KAZN: variants seen among roughly 807,000 people sequenced by gnomAD.
KAZN encodes the protein kazrin.
A neutral mutation model predicts 87.4 loss-of-function variants in KAZN; 40 were observed. The ratio of observed to expected loss-of-function variants is 0.46; its 90% confidence interval spans 0.36 to 0.60. The LOEUF is 0.60. KAZN is among the 20% of genes least tolerant of loss of function. The pLI is 0.00. For missense variants in KAZN, 898 were observed against 1,073.9 expected, an observed-to-expected ratio of 0.84 and a Z score of 2.29; for synonymous variants, 466 against 458.3, an observed-to-expected ratio of 1.02 and a Z score of -0.22.
intron 1 of KAZN, among the ~76,000 whole-genome samples, chr1:14,736,254 G>GGTGGGT (rs1418987856): frequency 4.3e-5 from 5 of 115,300 alleles, no homozygotes; most frequent in Admixed American, 9.2e-5. Flanking sequence ...GGGACTCAAG[G>GGTGGGT]GTGTGTGTGT....
chr1:15,038,477 C>T (rs543648837), intron 3 of KAZN, among the ~76,000 whole-genome samples: 96 of 152,278 alleles, frequency 6.3e-4, no homozygotes, highest in Admixed American at 1.4e-3. Flanking sequence ...TTACTAATAC[C>T]AGACGTTTGT....
intron 1 of KAZN, among the ~76,000 whole-genome samples, chr1:14,106,309 T>A (rs1644373425): frequency 6.6e-6 from 1 of 152,214 alleles, no homozygotes; most frequent in African/African-American, 2.4e-5. Context: ...CAGGTGGTCA[T>A]AGAAAATGAA....
intron 1 of KAZN, among the ~76,000 whole-genome samples, chr1:14,745,303 A>G (rs1211932260): frequency 6.6e-6 from 1 of 152,120 alleles, no homozygotes; most frequent in African/African-American, 2.4e-5. Flanking sequence ...TTTCTTTAAC[A>G]AAAGGGCTTC....
chr1:14,392,439 G>A (rs1260117649), intron 2 of KAZN, among the ~76,000 whole-genome samples: 4 of 152,094 alleles, frequency 2.6e-5, no homozygotes, highest in African/African-American at 4.8e-5. Context: ...TAGTTGGCCG[G>A]TCAGTCTTCA....
At chr1:14,122,322 T>C (rs1644769258) in intron 1 of KAZN, among the ~76,000 whole-genome samples, 1 of 152,208 alleles carries the variant, frequency 6.6e-6, no homozygotes, top group Admixed American at 6.5e-5. Flanking sequence ...TAAAACCCAA[T>C]TCTTCTTTGA....
Position 14,964,658 on chromosome 1 carries a change from C to T in KAZN, c.418+3783C>T, listed in dbSNP as rs547971689. ...GGAGAGGGGGAATAAACGCACAAGC[C>T]GAGCAAGCAGCAGATGTTGGGCGAC... On this transcript the variant is annotated intron_variant, in intron 2 of 14. Transcript: ENST00000376030. Among the ~76,000 whole-genome samples the T allele has an allele frequency of 9.2e-5, 14 of 152,250 alleles. No individual in the cohort carries two copies. In the South Asian group the frequency reaches 2.1e-3, roughly 23 times the overall value.
chr1:14,658,570 T>C (rs993399617), intron 1 of KAZN, among the ~76,000 whole-genome samples: 5 of 152,160 alleles, frequency 3.3e-5, no homozygotes, highest in Admixed American at 2.0e-4. Context: ...CAAAGTCTTT[T>C]GAGAATCTGA....
intron 1 of KAZN, among the ~76,000 whole-genome samples, chr1:14,754,539 A>C (rs1644503766): frequency 6.6e-6 from 1 of 152,128 alleles, no homozygotes; most frequent in Admixed American, 6.6e-5. Flanking sequence ...AGGCTGAGGC[A>C]AGAGGATCGC....
intron 1 of KAZN, among the ~76,000 whole-genome samples, chr1:13,909,152 T>C (rs1639556100): frequency 6.6e-6 from 1 of 152,210 alleles, no homozygotes; most frequent in African/African-American, 2.4e-5. Flanking sequence ...TTATTGATAA[T>C]CTTAGTGTCC....
At chr1:14,575,957 T>A (rs577100856) in intron 2 of KAZN, among the ~76,000 whole-genome samples, 1 of 152,258 alleles carries the variant, frequency 6.6e-6, no homozygotes, top group Non-Finnish European at 1.5e-5. Flanking sequence ...GGTGAACATT[T>A]TGTGGGGGTT....
At chr1:14,852,858 AG>A (rs113430732) in intron 1 of KAZN, among the ~76,000 whole-genome samples, 32 of 152,294 alleles carry the variant, frequency 2.1e-4, no homozygotes, top group African/African-American at 6.5e-4. Flanking sequence ...GGGCCTCCCT[AG>A]GAGCTTGTTG....
chr1:14,361,687 G>A (rs1406681534), intron 2 of KAZN, among the ~76,000 whole-genome samples: 1 of 152,222 alleles, frequency 6.6e-6, no homozygotes. Flanking sequence ...CGGCTCCCTT[G>A]GCTTCTGTTC....
At chr1:14,426,558 C>T (rs979704042) in intron 2 of KAZN, among the ~76,000 whole-genome samples, 1 of 152,088 alleles carries the variant, frequency 6.6e-6, no homozygotes, top group Non-Finnish European at 1.5e-5. Flanking sequence ...CTGCAGTTGC[C>T]CTACTCCATG....
At chr1:15,048,627 C>CGGTCCTGGGTCGTCGGTCCTGGGTCGCT (rs1673871121) in intron 4 of KAZN, among the ~76,000 whole-genome samples, 2 of 96,086 alleles carry the variant, frequency 2.1e-5, no homozygotes, top group Admixed American at 1.0e-4. Flanking sequence ...CCTGGGTCGT[C>CGGTCCTGGGTCGTCGGTCCTGGGTCGCT]GGTCCTGGGT....
At chr1:14,264,032 T>C (rs973451705) in intron 2 of KAZN, among the ~76,000 whole-genome samples, 1 of 152,226 alleles carries the variant, frequency 6.6e-6, no homozygotes, top group Non-Finnish European at 1.5e-5. Context: ...TGCTATAAAC[T>C]ACCACAAATT....
At chr1:14,230,974 A>T (rs150592574) in intron 2 of KAZN, among the ~76,000 whole-genome samples, 1,717 of 152,268 alleles carry the variant, frequency 0.011, 30 homozygotes, top group African/African-American at 0.039. Context: ...CATCCTTAAA[A>T]TGGGGTAATA....
Position 15,114,697 on chromosome 1 carries a change from C to T in KAZN, c.*62C>T. On this transcript the variant is annotated 3_prime_UTR_variant, in exon 15 of 15. Transcript: ENST00000376030. ...CCAGGAAGGAAGAGAAGCCAGATGG[C>T]CCCAGGTGTCGTTCTCACTGTACAT... The T allele has an allele frequency of 6.7e-7, 1 of 1,500,690 alleles. No individual in the cohort carries two copies. The highest frequency in any genetic ancestry group is 2.5e-5 in the East Asian group (1 of 40,532). 93.0% of individuals were successfully genotyped at this position (1,500,690 alleles called of 1,614,324 possible). A position where few individuals can be genotyped will look rare whatever the true frequency, so the allele number is the denominator to read the frequency against.
intron 2 of KAZN, among the ~76,000 whole-genome samples, chr1:14,420,910 CCCT>C (rs1294235303): frequency 1.3e-5 from 2 of 148,412 alleles, no homozygotes; most frequent in East Asian, 3.9e-4. Context: ...TCCACACCTC[CCCT>C]CCACACCTCC....
At chr1:14,439,501 A>G (rs918139322) in intron 2 of KAZN, among the ~76,000 whole-genome samples, 3 of 152,158 alleles carry the variant, frequency 2.0e-5, no homozygotes, top group African/African-American at 7.2e-5. Context: ...TTCCACTTGG[A>G]GTAAAAGCTA....
Sources: allele counts gnomAD v4.1 joint callset (sites outside exome capture counted in the v4.1 genomes callset), GRCh38; gene constraint gnomAD v4.1.1; transcripts MANE v1.5; gene names NCBI Gene and HGNC (gene_info 2026-07-23, HGNC 2026-07-21).